CCDC39: variants seen among roughly 807,000 people sequenced by gnomAD.
CCDC39 encodes coiled-coil domain-containing protein 39.
Under a neutral mutation model 121.0 loss-of-function variants are expected in CCDC39, and 113 were observed. The observed-to-expected ratio is 0.93, with a 90% CI of 0.80 to 1.09. CCDC39 has a LOEUF of 1.09. CCDC39 is among the 50% of genes least tolerant of loss of function. The pLI is 0.00. For missense variants in CCDC39, 1,063 were observed against 1,074.7 expected, an observed-to-expected ratio of 0.99 and a Z score of 0.15; for synonymous variants, 349 against 352.2, an observed-to-expected ratio of 0.99 and a Z score of 0.10.
chr3:180,662,039 T>G, intron 2 of CCDC39, 32 bp from the exon 3 acceptor site: 2 of 1,509,642 alleles, frequency 1.3e-6, no homozygotes, highest in South Asian at 2.7e-5. Flanking sequence ...AAAAAGGCTT[T>G]TAAAATTTTA....
intron 11 of CCDC39, 103 bp downstream of exon 11, chr3:180,646,976 G>A: frequency 1.0e-6 from 1 of 959,412 alleles, no homozygotes. Context: ...ATATATGTGT[G>A]TAGAGTGGCA....
In CCDC39 at chr3:180,679,458, C is replaced by A. The variant is rs1712333190; in HGVS notation, c.-78G>T. 1 of 1,341,032 alleles carries A rather than the reference C, an allele frequency of 7.5e-7. No homozygotes were observed. Among genetic ancestry groups the A allele is most frequent in the African/African-American group, 1.4e-5 (1 of 69,296 alleles). The allele number at this position is 1,341,032 out of a possible 1,614,324, so 83.1% of individuals were successfully genotyped here. On this transcript the variant is annotated 5_prime_UTR_variant, in exon 1 of 20. Transcript: ENST00000476379. This position sits in a 1 kb window ranked among gnomAD's most constrained non-coding sequence, Gnocchi z 4.0. ...CGGGTGAGCAGCACCCGCGTCAAGCCCAGGCACCTGCACAGTGCCGCGGCA... is the reference window on the plus strand; with the variant it reads ...CGGGTGAGCAGCACCCGCGTCAAGCACAGGCACCTGCACAGTGCCGCGGCA...
At chr3:180,665,778 C>A in intron 1 of CCDC39, among the ~76,000 whole-genome samples, 1 of 151,486 alleles carries the variant, frequency 6.6e-6, no homozygotes, top group Non-Finnish European at 1.5e-5. Flanking sequence ...AAGGGCCACC[C>A]AAGAATATTT....
intron 19 of CCDC39, among the ~76,000 whole-genome samples, chr3:180,615,717 T>G (rs999032296): frequency 6.6e-6 from 1 of 152,002 alleles, no homozygotes; most frequent in Non-Finnish European, 1.5e-5. Flanking sequence ...AAAATCAGGA[T>G]CATTATTAAT....
At chr3:180,678,502 A>AT (rs1290440732) in intron 1 of CCDC39, among the ~76,000 whole-genome samples, 2 of 151,708 alleles carry the variant, frequency 1.3e-5, no homozygotes, top group Admixed American at 1.3e-4. Context: ...GCAATTTTTT[A>AT]TTTTTTTATT....
intron 19 of CCDC39, 27 bp from the exon 20 acceptor site, chr3:180,615,104 T>A (rs1290522326): frequency 1.3e-6 from 2 of 1,493,606 alleles, no homozygotes; most frequent in East Asian, 2.5e-5. Flanking sequence ...AATTATAAAT[T>A]CAATGCAAAG....
At chr3:180,624,484 C>T (rs974659726) in intron 14 of CCDC39, among the ~76,000 whole-genome samples, 10 of 151,468 alleles carry the variant, frequency 6.6e-5, no homozygotes, top group Admixed American at 5.3e-4. Flanking sequence ...TAAATTATTT[C>T]TTTTTTTTCT....
intron 19 of CCDC39, among the ~76,000 whole-genome samples, chr3:180,615,635 A>G (rs764423574): frequency 6.6e-6 from 1 of 152,260 alleles, no homozygotes; most frequent in African/African-American, 2.4e-5. Flanking sequence ...GGGCCTCTTC[A>G]TGAAATTTTT....
intron 14 of CCDC39, among the ~76,000 whole-genome samples, chr3:180,626,821 AG>A (rs1359745895): frequency 5.3e-5 from 8 of 152,108 alleles, no homozygotes; most frequent in Non-Finnish European, 1.0e-4. Flanking sequence ...GGTGCACTGG[AG>A]TGCTTGGTCA....
At chr3:180,669,404 T>C (rs1266705930) in intron 1 of CCDC39, among the ~76,000 whole-genome samples, 1 of 152,148 alleles carries the variant, frequency 6.6e-6, no homozygotes, top group Non-Finnish European at 1.5e-5. Flanking sequence ...TTCTTGAATA[T>C]ACAGAATAAT....
At chr3:180,670,639 CT>C (rs573623299) in intron 1 of CCDC39, among the ~76,000 whole-genome samples, 3,768 of 120,394 alleles carry the variant, frequency 0.031, 73 homozygotes, top group African/African-American at 0.098. Flanking sequence ...TTTTTTTTCT[CT>C]TTTTTTTTTT....
At chr3:180,623,882 T>C (rs779351940) in intron 14 of CCDC39, among the ~76,000 whole-genome samples, 6 of 152,004 alleles carry the variant, frequency 3.9e-5, no homozygotes, top group Non-Finnish European at 7.4e-5. Flanking sequence ...TCCATGTGCT[T>C]ATGAAAAGAA....
rs564709017 is a variant in CCDC39 at position 180,653,132 on chromosome 3, C to T, written c.931-866G>A. 2.0e-5 allele frequency among the ~76,000 whole-genome samples: 3 copies of T among 152,268 alleles called. No individual in the cohort carries two copies. The South Asian group carries it at 6.2e-4, about 32-fold the overall frequency. On this transcript the variant is annotated intron_variant, in intron 7 of 19. Coordinates refer to ENST00000476379, the MANE Select transcript of CCDC39 (RefSeq NM_181426.2). ...TCAAAATGGAGTCACTTGTGTCAAACCCTGACAAAACTGAGCTGGGGAAGG... is the reference window on the plus strand; with the variant it reads ...TCAAAATGGAGTCACTTGTGTCAAATCCTGACAAAACTGAGCTGGGGAAGG...
intron 12 of CCDC39, 141 bp downstream of exon 12, chr3:180,643,979 T>C: frequency 1.8e-6 from 1 of 559,674 alleles, no homozygotes; most frequent in Non-Finnish European, 2.8e-6. Flanking sequence ...AGGGAAATTA[T>C]AGACTTTAAC....
intron 1 of CCDC39, among the ~76,000 whole-genome samples, chr3:180,668,852 T>C (rs1322326039): frequency 6.6e-6 from 1 of 152,166 alleles, no homozygotes; most frequent in Admixed American, 6.5e-5. Flanking sequence ...AGAACAGATA[T>C]AGGAATTACA....
At chr3:180,623,826 T>C (rs1306593806) in intron 14 of CCDC39, among the ~76,000 whole-genome samples, 1 of 151,958 alleles carries the variant, frequency 6.6e-6, no homozygotes, top group East Asian at 1.9e-4. Flanking sequence ...AAGATTTTTT[T>C]TTTTATTTTT....
chr3:180,674,304 C>T (rs900120699), intron 1 of CCDC39, among the ~76,000 whole-genome samples: 2 of 152,058 alleles, frequency 1.3e-5, no homozygotes, highest in Non-Finnish European at 2.9e-5. Context: ...TATAAGAATG[C>T]CTGTGATTTT....
chr3:180,636,934 A>T (rs947507981), intron 13 of CCDC39, among the ~76,000 whole-genome samples: 5 of 152,198 alleles, frequency 3.3e-5, no homozygotes, highest in Non-Finnish European at 5.9e-5. Context: ...TCAACTCAAG[A>T]TGGATTAAAT....
intron 13 of CCDC39, among the ~76,000 whole-genome samples, chr3:180,636,739 C>G (rs1717837437): frequency 6.6e-6 from 1 of 152,068 alleles, no homozygotes; most frequent in Non-Finnish European, 1.5e-5. Context: ...AACAGACATA[C>G]AGACCAATGC....
Sources: gnomAD v4.1 joint callset for allele counts (sites outside exome capture counted in the v4.1 genomes callset) on GRCh38, gnomAD v4.1.1 for gene constraint, Gnocchi (gnomAD v3.1) non-coding constraint, MANE v1.5 for transcripts, NCBI Gene and HGNC (gene_info 2026-07-23, HGNC 2026-07-21) for gene names.